The following ANGPTL5 variants were observed in gnomAD, a reference collection of about 807,000 sequenced individuals.
ANGPTL5 encodes the protein angiopoietin like 5.
ANGPTL5 carries 34 observed loss-of-function variants against 39.4 expected under a neutral mutation model. The ratio of observed to expected loss-of-function variants is 0.86; its 90% CI spans 0.66 to 1.15. The LOEUF is 1.15. Ranked by LOEUF, ANGPTL5 falls within the 50% of genes most tolerant of loss-of-function variation. The pLI is 0.00. For synonymous variants in ANGPTL5, 146 were observed against 152.1 expected (o/e 0.96, Z 0.29); for missense variants, 467 against 457.5 (o/e 1.02, Z -0.19).
intron 7 of ANGPTL5, 105 bp downstream of exon 7, chr11:101,900,325 T>A: frequency 7.8e-6 from 9 of 1,150,828 alleles, no homozygotes; most frequent in Non-Finnish European, 1.1e-5. Flanking sequence ...ATTTTGATAT[T>A]TGCAAGCATT....
In ANGPTL5 at chr11:101,902,634, C is replaced by T; in HGVS notation, c.527G>A (p.Ser176Asn). Residue 176 changes from serine (S) to asparagine (N), a missense_variant, in exon 6 of 9, where the codon AGC (serine) becomes AAC (asparagine). Coordinates refer to ENST00000334289, the MANE Select transcript of ANGPTL5 (RefSeq NM_178127.5). Reference sequence around the variant, plus strand: ...TACGGGAAATACCTCAAATGGGTAGCTAGATCCTTCTGGGTGAATTATGTA... The same window carrying T: ...TACGGGAAATACCTCAAATGGGTAGTTAGATCCTTCTGGGTGAATTATGTA... The part of the protein sequence containing the change: ...GLYIIHPEGS[S>N]YPFEVMCDMD... The T allele has an allele frequency of 6.2e-7, 1 of 1,604,690 alleles. No individual in the cohort carries two copies. Among genetic ancestry groups the T allele is most frequent in the Non-Finnish European group, 8.5e-7 (1 of 1,172,244 alleles).
chr11:101,902,862 C>A lies in ANGPTL5; in HGVS notation c.440-141G>T, dbSNP rs184274436. On this transcript the variant is annotated intron_variant, in intron 5 of 8. Transcript: ENST00000334289. ...ACTTCTTCAAAATGAAAAATGGTCA[C>A]AATTTTAGAAATAAAAAGAAAATAT... The A allele has an allele frequency of 7.0e-6, 4 of 572,842 alleles. No homozygotes were observed. The South Asian group carries it at 8.0e-5, about 11-fold the overall frequency. 35.5% of individuals were successfully genotyped at this position (572,842 alleles called of 1,614,324 possible). A position where few individuals can be genotyped will look rare whatever the true frequency, so the allele number is the denominator to read the frequency against.
rs1001817630 is a variant in ANGPTL5 at position 101,901,795 on chromosome 11, G to A, written c.540+826C>T. ...ATAGATTCCAAATAAAATAATGGTAGTAACTCTAAGAAGAGAAACCGGTAG... is the reference window on the plus strand; with the variant it reads ...ATAGATTCCAAATAAAATAATGGTAATAACTCTAAGAAGAGAAACCGGTAG... On this transcript the variant is annotated intron_variant, in intron 6 of 8. Transcript: ENST00000334289. 4.5e-4 allele frequency among the ~76,000 whole-genome samples: 69 copies of A among 152,084 alleles called. 1 individual carries two copies. Among genetic ancestry groups the A allele is most frequent in the African/African-American group, 1.6e-3 (67 of 41,494 alleles).
chr11:101,893,085 C>T (rs930792361), intron 8 of ANGPTL5, among the ~76,000 whole-genome samples: 6 of 152,182 alleles, frequency 3.9e-5, no homozygotes, highest in Non-Finnish European at 8.8e-5. Flanking sequence ...TAAAGTCCGA[C>T]CACCAGAAGG....
At chr11:101,904,023 C>T (rs1939956081) in intron 5 of ANGPTL5, among the ~76,000 whole-genome samples, 1 of 152,100 alleles carries the variant, frequency 6.6e-6, no homozygotes, top group African/African-American at 2.4e-5. Context: ...ATCAAGAGAG[C>T]AGCAAGCAAG....
rs533605419 is a variant in ANGPTL5, at chr11:101,915,190, G to A, written c.-93+829C>T. The A allele has an allele frequency of 2.6e-6, 4 of 1,548,782 alleles. No individual in the cohort carries two copies. The Admixed American group carries it at 7.2e-5, about 28-fold the overall frequency. On this transcript the variant is annotated intron_variant, in intron 1 of 8. Coordinates refer to ENST00000334289, the MANE Select transcript of ANGPTL5 (RefSeq NM_178127.5). ...CCCGTGACGCGGGGCCTGAGAGACG[G>A]AGTGTAGGGAGGGGCCGAGCAGGAG...
intron 7 of ANGPTL5, among the ~76,000 whole-genome samples, chr11:101,895,800 G>A (rs550287422): frequency 1.7e-4 from 26 of 152,242 alleles, no homozygotes; most frequent in African/African-American, 6.3e-4. Context: ...TAGCCCAAAT[G>A]TGTATATCTC....
Position 101,891,243 on chromosome 11 carries a change from A to G in ANGPTL5, c.*36T>C. On this transcript the variant is annotated 3_prime_UTR_variant, in exon 9 of 9. Transcript: ENST00000334289. ...AACTTTTAAAAATCTTTAATATATTATCATTGTAGAACTTGCATTACAATG... is the reference window on the plus strand; with the variant it reads ...AACTTTTAAAAATCTTTAATATATTGTCATTGTAGAACTTGCATTACAATG... 1 of 1,555,890 alleles carries G rather than the reference A, an allele frequency of 6.4e-7. No homozygotes were observed. Among genetic ancestry groups the G allele is most frequent in the Non-Finnish European group, 8.8e-7 (1 of 1,133,432 alleles).
chr11:101,908,753 C>G (rs1940041969), intron 1 of ANGPTL5, among the ~76,000 whole-genome samples: 1 of 147,430 alleles, frequency 6.8e-6, no homozygotes, highest in South Asian at 2.2e-4. Context: ...TGCACTCCAG[C>G]CTGGGCGAAA....
chr11:101,902,454 G>A (rs950580455), intron 6 of ANGPTL5, among the ~76,000 whole-genome samples, 167 bp downstream of exon 6: 2 of 151,996 alleles, frequency 1.3e-5, no homozygotes, highest in African/African-American at 4.8e-5. Flanking sequence ...TTGGGCATTA[G>A]AATTCTAAAA....
At chr11:101,903,802 T>C (rs1939950529) in intron 5 of ANGPTL5, among the ~76,000 whole-genome samples, 1 of 152,160 alleles carries the variant, frequency 6.6e-6, no homozygotes, top group East Asian at 1.9e-4. Flanking sequence ...TTATTTCGAT[T>C]TTTCTGGGCT....
chr11:101,899,694 C>A (rs751531050), intron 7 of ANGPTL5, among the ~76,000 whole-genome samples: 5 of 152,204 alleles, frequency 3.3e-5, no homozygotes, highest in Non-Finnish European at 7.3e-5. Context: ...CATTCAGTAG[C>A]ATTTTTAGCA....
chr11:101,907,646 A>G (rs1940021390), intron 2 of ANGPTL5, among the ~76,000 whole-genome samples, 168 bp downstream of exon 2: 1 of 152,128 alleles, frequency 6.6e-6, no homozygotes, highest in South Asian at 2.1e-4. Context: ...TAGTTTCCTC[A>G]GTTTAAATAC....
chr11:101,895,588 C>T (rs1177059440), intron 7 of ANGPTL5, among the ~76,000 whole-genome samples: 1 of 152,140 alleles, frequency 6.6e-6, no homozygotes, highest in African/African-American at 2.4e-5. Flanking sequence ...TTAACAGACA[C>T]TTCTTTGCTA....
At chr11:101,902,551 CAT>C in intron 6 of ANGPTL5, 68 bp downstream of exon 6, 1 of 1,137,080 alleles carries the variant, frequency 8.8e-7, no homozygotes, top group Non-Finnish European at 1.3e-6. Flanking sequence ...TAAATTTTAA[CAT>C]AAATTAAATT....
chr11:101,916,369 G>A lies in ANGPTL5; in HGVS notation c.-443C>T, dbSNP rs925103865. The A allele has an allele frequency of 6.6e-6, 1 of 152,208 alleles. No individual in the cohort carries two copies. The highest frequency in any genetic ancestry group is 2.4e-5 in the African/African-American group (1 of 41,454). The allele number at this position is 152,208 out of a possible 1,614,324, so 9.4% of individuals were successfully genotyped here. A position where few individuals can be genotyped will look rare whatever the true frequency, so the allele number is the denominator to read the frequency against. On this transcript the variant is annotated 5_prime_UTR_variant, in exon 1 of 9. Transcript: ENST00000334289. ...TCTAGGTTCTAGGGATACAAATCTA[G>A]TGAGGAAGACAAATGTGTATAGAGC...
intron 7 of ANGPTL5, among the ~76,000 whole-genome samples, chr11:101,896,061 A>C (rs1180893554): frequency 6.6e-6 from 1 of 152,062 alleles, no homozygotes; most frequent in Non-Finnish European, 1.5e-5. Context: ...TGAGTCTCAC[A>C]CAGTATACAA....
chr11:101,908,162 C>G (rs879793982), intron 1 of ANGPTL5, among the ~76,000 whole-genome samples, 161 bp from the exon 2 acceptor site: 5 of 151,960 alleles, frequency 3.3e-5, no homozygotes, highest in Admixed American at 6.6e-5. Flanking sequence ...ATTATAAATC[C>G]AAGCTTTTGC....
chr11:101,910,422 A>AT (rs1555048783), intron 1 of ANGPTL5, among the ~76,000 whole-genome samples: 73 of 128,364 alleles, frequency 5.7e-4, no homozygotes, highest in African/African-American at 1.0e-3. Flanking sequence ...AAAAAAAAAA[A>AT]AAATATATAT....
Sources: gnomAD v4.1 joint callset for allele counts (sites outside exome capture counted in the v4.1 genomes callset) on GRCh38, gnomAD v4.1.1 for gene constraint, MANE v1.5 for transcripts, NCBI Gene and HGNC (gene_info 2026-07-23, HGNC 2026-07-21) for gene names.